The following TNFRSF10A variants were observed in gnomAD, a reference collection of about 807,000 sequenced individuals.
TNFRSF10A encodes the protein tumor necrosis factor receptor superfamily member 10A.
Under a neutral mutation model 42.8 loss-of-function variants are expected in TNFRSF10A, and 44 were observed. That is an observed-to-expected ratio of 1.03 (90% CI 0.81 to 1.32). The LOEUF is 1.32. Ranked by LOEUF, TNFRSF10A falls within the 40% of genes most tolerant of loss-of-function variation. TNFRSF10A has a pLI of 0.00. For synonymous variants in TNFRSF10A, 259 were observed against 234.2 expected (o/e 1.11, Z -0.97); for missense variants, 680 against 602.0 (o/e 1.13, Z -1.36).
chr8:23,220,104 C>T (rs1801237240), intron 1 of TNFRSF10A, among the ~76,000 whole-genome samples: 1 of 152,172 alleles, frequency 6.6e-6, no homozygotes, highest in African/African-American at 2.4e-5. Context: ...CAAAGCAGAC[C>T]CTTTCTCCTT....
At chr8:23,198,300 G>GA (rs940383929) in intron 8 of TNFRSF10A, among the ~76,000 whole-genome samples, 5 of 152,036 alleles carry the variant, frequency 3.3e-5, no homozygotes, top group Admixed American at 2.0e-4. Flanking sequence ...TCACATCATT[G>GA]AAAAAAATAT....
intron 1 of TNFRSF10A, among the ~76,000 whole-genome samples, chr8:23,214,606 T>A (rs1221511438): frequency 6.6e-6 from 1 of 152,246 alleles, no homozygotes; most frequent in East Asian, 1.9e-4. Context: ...TAGTTTGTTT[T>A]ATTTCAATTT....
intron 1 of TNFRSF10A, among the ~76,000 whole-genome samples, chr8:23,217,784 G>A (rs947835309): frequency 7.2e-5 from 11 of 152,170 alleles, no homozygotes; most frequent in African/African-American, 1.4e-4. Flanking sequence ...GCAAGGAATC[G>A]TGGGGTATCA....
At chr8:23,215,268 G>A (rs1411448484) in intron 1 of TNFRSF10A, among the ~76,000 whole-genome samples, 2 of 152,308 alleles carry the variant, frequency 1.3e-5, no homozygotes, top group African/African-American at 2.4e-5. Context: ...TGTAATCCCA[G>A]CACTTTGGGA....
At chr8:23,220,321 C>T (rs971891744) in intron 1 of TNFRSF10A, among the ~76,000 whole-genome samples, 12 of 152,242 alleles carry the variant, frequency 7.9e-5, no homozygotes, top group African/African-American at 2.9e-4. Flanking sequence ...CAGTCTCTGG[C>T]TGGGCTGGCC....
chr8:23,203,917 C>CA (rs1032174342), intron 2 of TNFRSF10A, among the ~76,000 whole-genome samples: 9 of 151,998 alleles, frequency 5.9e-5, no homozygotes, highest in East Asian at 5.8e-4. Context: ...GCTGGGACTA[C>CA]AGGAGCGTGC....
intron 9 of TNFRSF10A, among the ~76,000 whole-genome samples, chr8:23,195,584 G>A (rs1318552777): frequency 1.3e-5 from 2 of 152,164 alleles, no homozygotes; most frequent in African/African-American, 2.4e-5. Context: ...CAATGGCCTC[G>A]TGAGAGGTTC....
chr8:23,196,384 G>A (rs963675872), intron 9 of TNFRSF10A, among the ~76,000 whole-genome samples: 2 of 152,088 alleles, frequency 1.3e-5, no homozygotes, highest in Non-Finnish European at 2.9e-5. Flanking sequence ...TTTTAGTACA[G>A]AAGGGGTTTC....
intron 1 of TNFRSF10A, among the ~76,000 whole-genome samples, chr8:23,215,074 G>A (rs1302260126): frequency 6.6e-6 from 1 of 152,202 alleles, no homozygotes; most frequent in Non-Finnish European, 1.5e-5. Flanking sequence ...GTCCTTATTT[G>A]TTGGAAATAT....
intron 1 of TNFRSF10A, among the ~76,000 whole-genome samples, chr8:23,219,075 G>A (rs1032910929): frequency 4.6e-5 from 7 of 152,062 alleles, no homozygotes. Context: ...CCCTGGAGCC[G>A]GCACAGCCTC....
chr8:23,198,972 A>G (rs1342533621), intron 8 of TNFRSF10A, among the ~76,000 whole-genome samples: 2 of 152,244 alleles, frequency 1.3e-5, no homozygotes, highest in African/African-American at 4.8e-5. Flanking sequence ...CTTCTGTAGG[A>G]GCACACAGTG....
chr8:23,202,810 G>A, intron 2 of TNFRSF10A, 49 bp from the exon 3 acceptor site: 1 of 1,360,128 alleles, frequency 7.4e-7, no homozygotes. Flanking sequence ...AGAGTTCCCA[G>A]AGGATCGTGG....
Position 23,190,841 on chromosome 8 carries a change from A to G in TNFRSF10A, c.*853T>C, listed in dbSNP as rs1800743982. 6.6e-6 allele frequency: 1 copy of G among 152,212 alleles called. No individual in the cohort carries two copies. Among genetic ancestry groups the G allele is most frequent in the African/African-American group, 2.4e-5 (1 of 41,432 alleles). 9.4% of individuals were successfully genotyped at this position (152,212 alleles called of 1,614,324 possible). A position where few individuals can be genotyped will look rare whatever the true frequency, so the allele number is the denominator to read the frequency against. ...AGCCCAAAAACCTAAGACCCAGGGAAGCCGATGGTGTAATTCTTAGTTCAA... is the reference window on the plus strand; with the variant it reads ...AGCCCAAAAACCTAAGACCCAGGGAGGCCGATGGTGTAATTCTTAGTTCAA... On this transcript the variant is annotated 3_prime_UTR_variant, in exon 10 of 10. Coordinates refer to ENST00000221132, the MANE Select transcript of TNFRSF10A (RefSeq NM_003844.4).
At chr8:23,210,751 G>T (rs1210743502) in intron 2 of TNFRSF10A, among the ~76,000 whole-genome samples, 2 of 152,198 alleles carry the variant, frequency 1.3e-5, no homozygotes, top group African/African-American at 2.4e-5. Flanking sequence ...TCCTAGGAAT[G>T]AAAGGTTGGT....
intron 9 of TNFRSF10A, among the ~76,000 whole-genome samples, chr8:23,196,439 G>A (rs28484619): frequency 0.027 from 4,026 of 151,892 alleles, 177 homozygotes; most frequent in African/African-American, 0.092. Context: ...CTTGTGATTC[G>A]CCCGCCTCGG....
rs762550515 is a variant in TNFRSF10A at position 23,196,510 on chromosome 8, T to C, written c.1087+622A>G. On this transcript the variant is annotated intron_variant, in intron 9 of 9. Coordinates refer to ENST00000221132, the MANE Select transcript of TNFRSF10A (RefSeq NM_003844.4). The stretch of plus-strand genomic sequence containing the variant: ...CGTGCCCGGCCCACATTGTTACATT[T>C]TATCCCTACTATATAAACCCCTAGT... Among the ~76,000 whole-genome samples, 37 of 152,086 alleles carry C rather than the reference T, an allele frequency of 2.4e-4. 1 individual carries two copies. The highest frequency in any genetic ancestry group is 6.6e-5 in the Admixed American group (1 of 15,266).
chr8:23,207,188 G>T (rs1478441534), intron 2 of TNFRSF10A: 1 of 598,344 alleles, frequency 1.7e-6, no homozygotes, highest in East Asian at 4.0e-5. Flanking sequence ...ACACACTTGT[G>T]TTCATTGTAG....
intron 4 of TNFRSF10A, among the ~76,000 whole-genome samples, chr8:23,201,393 A>G (rs1165210705): frequency 6.6e-6 from 1 of 152,214 alleles, no homozygotes; most frequent in Non-Finnish European, 1.5e-5. Flanking sequence ...AAAAGCAAAT[A>G]TTAAAAATTA....
intron 2 of TNFRSF10A, among the ~76,000 whole-genome samples, chr8:23,210,068 G>T (rs1801071983): frequency 6.6e-6 from 1 of 152,150 alleles, no homozygotes; most frequent in Non-Finnish European, 1.5e-5. Context: ...GTTATTATAA[G>T]GTGGAGTTTT....
Sources: gnomAD v4.1 joint callset for allele counts (sites outside exome capture counted in the v4.1 genomes callset) on GRCh38, gnomAD v4.1.1 for gene constraint, MANE v1.5 for transcripts, NCBI Gene and HGNC (gene_info 2026-07-23, HGNC 2026-07-21) for gene names.